Variants in UBOX5 observed in about 807,000 individuals in gnomAD.
UBOX5 encodes the protein U-box domain containing 5.
A neutral mutation model predicts 39.0 loss-of-function variants in UBOX5; 28 were observed. The observed-to-expected ratio is 0.72, with a 90% CI of 0.53 to 0.98. The LOEUF (loss-of-function observed/expected upper bound fraction) is 0.98. UBOX5 is among the 50% of genes least tolerant of loss of function. The pLI is 0.00. For missense variants in UBOX5, 585 were observed against 674.4 expected, an observed-to-expected ratio of 0.87 and a Z score of 1.47; for synonymous variants, 283 against 275.5, an observed-to-expected ratio of 1.03 and a Z score of -0.27.
chr20:3,140,014 CTTTT>C (rs138435815), intron 1 of UBOX5, among the ~76,000 whole-genome samples: 20 of 78,334 alleles, frequency 2.6e-4, no homozygotes, highest in Non-Finnish European at 4.2e-4. Context: ...GGCCTTTTTA[CTTTT>C]TTTTTTTTTT....
chr20:3,158,323 C>A (rs2066710527), intron 1 of UBOX5, among the ~76,000 whole-genome samples: 1 of 151,714 alleles, frequency 6.6e-6, no homozygotes, highest in African/African-American at 2.4e-5. Context: ...ATGGCAAGGC[C>A]TTATTAGGGA....
chr20:3,155,307 A>C (rs1439195153), intron 1 of UBOX5, among the ~76,000 whole-genome samples: 2 of 152,170 alleles, frequency 1.3e-5, no homozygotes, highest in Non-Finnish European at 2.9e-5. Context: ...AGGCAGGAGG[A>C]TCACCTGAGG....
At chr20:3,123,003 G>T (rs2066350431) in intron 2 of UBOX5, among the ~76,000 whole-genome samples, 1 of 152,044 alleles carries the variant, frequency 6.6e-6, no homozygotes, top group Non-Finnish European at 1.5e-5. Context: ...GGGGAGAGAA[G>T]TGCAGGGGAG....
At chr20:3,143,388 C>T (rs533934635) in intron 1 of UBOX5, among the ~76,000 whole-genome samples, 10 of 151,700 alleles carry the variant, frequency 6.6e-5, no homozygotes, top group East Asian at 1.9e-4. Context: ...AGGTGTGAGC[C>T]GCCATGCCTG....
Position 3,110,191 on chromosome 20 carries a change from C to A in UBOX5, c.1541G>T (p.Gly514Val). Residue 514 changes from glycine to valine, a missense_variant, in exon 5 of 5, where the codon GGT (glycine) becomes GTT (valine). By Grantham distance (109) the Gly-to-Val change is moderately radical. Coordinates refer to ENST00000217173, the MANE Select transcript of UBOX5 (RefSeq NM_014948.4). The part of the protein sequence containing the change: ...CGHLLCRPCL[G>V]EKQRSLPMTC... ...CATGGGCAGGGAGCGTTGCTTCTCA[C>A]CCAGGCAGGGTCGGCACAGGAGGTG... 1 of 1,613,930 alleles carries A rather than the reference C, an allele frequency of 6.2e-7. No individual in the cohort carries two copies.
intron 1 of UBOX5, among the ~76,000 whole-genome samples, chr20:3,137,620 G>C (rs2066482958): frequency 6.6e-6 from 1 of 152,158 alleles, no homozygotes; most frequent in Non-Finnish European, 1.5e-5. Context: ...TACTGATACT[G>C]GTAATGATTC....
chr20:3,125,116 G>A (rs11905210), intron 1 of UBOX5, among the ~76,000 whole-genome samples: 2,640 of 125,130 alleles, frequency 0.021, 105 homozygotes, highest in African/African-American at 0.075. Flanking sequence ...CGGCCGCCCC[G>A]TCTGGAGGTG....
chr20:3,146,770 T>G, intron 1 of UBOX5: 1 of 1,610,552 alleles, frequency 6.2e-7, no homozygotes, highest in East Asian at 2.2e-5. Flanking sequence ...TGCCCCTAAA[T>G]GCCCTTCAGA....
chr20:3,146,663 C>T, intron 1 of UBOX5: 1 of 1,281,774 alleles, frequency 7.8e-7, no homozygotes. Context: ...AATTAAGTCT[C>T]CTCAACACAC....
intron 1 of UBOX5, among the ~76,000 whole-genome samples, chr20:3,143,768 G>C (rs1019815663): frequency 1.3e-5 from 2 of 152,116 alleles, no homozygotes; most frequent in Admixed American, 6.6e-5. Flanking sequence ...ACTCCAGCTG[G>C]GTGACAGAGT....
intron 1 of UBOX5, among the ~76,000 whole-genome samples, chr20:3,128,633 G>A (rs2066407356): frequency 6.6e-6 from 1 of 152,164 alleles, no homozygotes; most frequent in African/African-American, 2.4e-5. Flanking sequence ...AGGTTAAGGT[G>A]AGAGGATCAC....
At chr20:3,123,731 T>C (rs981512914) in intron 1 of UBOX5, among the ~76,000 whole-genome samples, 1 of 152,120 alleles carries the variant, frequency 6.6e-6, no homozygotes, top group Non-Finnish European at 1.5e-5. Flanking sequence ...GTGGCAAAAG[T>C]ATCTGAGCTC....
chr20:3,110,026 C>G lies in UBOX5; in HGVS notation c.*80G>C. On this transcript the variant is annotated 3_prime_UTR_variant, in exon 5 of 5. Coordinates refer to ENST00000217173, the MANE Select transcript of UBOX5 (RefSeq NM_014948.4). ...GCTCTGTGCCTGGGGCCTGGCCAGA[C>G]CTCAGGGGTGCTGTGGCCCTGCTCC... 1.3e-6 allele frequency: 2 copies of G among 1,559,482 alleles called. No individual in the cohort carries two copies. The highest frequency in any genetic ancestry group is 1.7e-6 in the Non-Finnish European group (2 of 1,147,110).
chr20:3,130,441 G>A (rs1425755541), intron 1 of UBOX5, among the ~76,000 whole-genome samples: 1 of 151,156 alleles, frequency 6.6e-6, no homozygotes, highest in African/African-American at 2.4e-5. Flanking sequence ...AAATTCGTGA[G>A]CTCAAGCAAT....
At chr20:3,122,659 C>T in intron 2 of UBOX5, 75 bp from the exon 3 acceptor site, 2 of 1,484,322 alleles carry the variant, frequency 1.3e-6, no homozygotes, top group South Asian at 1.4e-5. Flanking sequence ...AACTCTTAAG[C>T]CTGAGGTTCC....
Position 3,122,437 on chromosome 20 carries a change from T to C in UBOX5, c.202A>G (p.Ile68Val). Residue 68 changes from isoleucine to valine, a missense_variant, in exon 3 of 5, where the codon ATA becomes GTA. Transcript: ENST00000217173. Reference sequence around the variant, plus strand: ...TGACCTCCCCCAGCTGTGAGGTCTATGTTGATCCTACAGATTTCCACATTA... The same window carrying C: ...TGACCTCCCCCAGCTGTGAGGTCTACGTTGATCCTACAGATTTCCACATTA... Reference protein sequence around the residue: ...PFNVEICRINIDLTAGGGQNV... With the variant: ...PFNVEICRINVDLTAGGGQNV... 6.2e-7 allele frequency: 1 copy of C among 1,614,220 alleles called. No individual in the cohort carries two copies. Among genetic ancestry groups the C allele is most frequent in the South Asian group, 1.1e-5 (1 of 91,088 alleles).
intron 1 of UBOX5, among the ~76,000 whole-genome samples, chr20:3,133,722 C>A (rs551069012): frequency 6.7e-6 from 1 of 150,298 alleles, no homozygotes; most frequent in South Asian, 2.1e-4. Context: ...CTCTTTTTGC[C>A]AAGGGGTAAG....
At chr20:3,111,169 TC>T (rs1293862266) in intron 4 of UBOX5, among the ~76,000 whole-genome samples, 1 of 152,208 alleles carries the variant, frequency 6.6e-6, no homozygotes, top group African/African-American at 2.4e-5. Context: ...GCTCTTCCTT[TC>T]CTCATGGCCC....
chr20:3,123,925 T>C (rs2066357463), intron 1 of UBOX5, among the ~76,000 whole-genome samples: 1 of 152,200 alleles, frequency 6.6e-6, no homozygotes, highest in Admixed American at 6.5e-5. Flanking sequence ...TGGTGGCTCA[T>C]GCCTGTAATC....
Sources: gnomAD v4.1 joint callset for allele counts (sites outside exome capture counted in the v4.1 genomes callset) on GRCh38, gnomAD v4.1.1 for gene constraint, MANE v1.5 for transcripts, NCBI Gene and HGNC (gene_info 2026-07-23, HGNC 2026-07-21) for gene names.